NFAT5: variants seen among roughly 807,000 people sequenced by gnomAD.
NFAT5 encodes nuclear factor of activated T-cells 5.
In NFAT5, 31 loss-of-function variants were observed where a neutral mutation model predicts 166.5. The observed-to-expected ratio is 0.19, with a 90% confidence interval of 0.14 to 0.25. NFAT5 has a LOEUF of 0.25. Among genes scored for constraint, NFAT5 ranks in the 10% least tolerant of loss-of-function variants. NFAT5 has a pLI of 1.00. For synonymous variants in NFAT5, 612 were observed against 639.7 expected (o/e 0.96, Z 0.65); for missense variants, 1,449 against 1,821.8 (o/e 0.80, Z 3.72).
chr16:69,636,417 G>A (rs1164875105), intron 3 of NFAT5, among the ~76,000 whole-genome samples: 1 of 152,200 alleles, frequency 6.6e-6, no homozygotes, highest in African/African-American at 2.4e-5. Flanking sequence ...ATAGTACCCA[G>A]TACGGACTCT....
rs556222674 is a variant in NFAT5, at chr16:69,687,658, G to A, written c.1774+2688G>A. 5.3e-5 allele frequency among the ~76,000 whole-genome samples: 8 copies of A among 152,184 alleles called. No homozygotes were observed. In the South Asian group the frequency reaches 1.7e-3, roughly 32 times the overall value. On this transcript the variant is annotated intron_variant, in intron 11 of 14. Coordinates refer to ENST00000349945, the MANE Select transcript of NFAT5 (RefSeq NM_138713.4). ...CCTAGTCTCACTTTCCAGAAAGGGGGAGAAGATAATAAGCATTACTATCTA... is the reference window on the plus strand; with the variant it reads ...CCTAGTCTCACTTTCCAGAAAGGGGAAGAAGATAATAAGCATTACTATCTA...
chr16:69,593,440 T>A (rs1256001979), intron 2 of NFAT5, among the ~76,000 whole-genome samples: 2 of 152,058 alleles, frequency 1.3e-5, no homozygotes, highest in African/African-American at 2.4e-5. Flanking sequence ...CCTTCCAAGT[T>A]GCTGGGACCA....
rs187036746 is a variant in NFAT5, at chr16:69,651,411, G to A, written c.813-1825G>A. Reference sequence around the variant, plus strand: ...CTACTCCCCATTTCCATTGAAGATAGTGCCTTTCCTCACTTTGTTCTTGAT... The same window carrying A: ...CTACTCCCCATTTCCATTGAAGATAATGCCTTTCCTCACTTTGTTCTTGAT... On this transcript the variant is annotated intron_variant, in intron 4 of 14. Coordinates refer to ENST00000349945, the MANE Select transcript of NFAT5 (RefSeq NM_138713.4). Among the ~76,000 whole-genome samples the A allele has an allele frequency of 1.2e-3, 184 of 152,224 alleles. 2 individuals carry two copies. The highest frequency in any genetic ancestry group is 9.3e-4 in the Non-Finnish European group (63 of 68,010).
rs1597578599 is a variant in NFAT5 at position 69,695,040 on chromosome 16, C to A, written c.4415-96C>A. On this transcript the variant is annotated intron_variant, in intron 13 of 14. Transcript: ENST00000349945. ...ATTTTCCCCAACAACTAATAAATAT[C>A]TTTTCATGAATCTTTACTAATCAGA... is the stretch of plus-strand genomic sequence containing the variant. The A allele has an allele frequency of 8.9e-6, 8 of 902,940 alleles. No homozygotes were observed. The East Asian group carries it at 1.8e-4, about 20-fold the overall frequency. 55.9% of individuals were successfully genotyped at this position (902,940 alleles called of 1,614,324 possible).
chr16:69,604,639 G>C (rs779059601), intron 2 of NFAT5, among the ~76,000 whole-genome samples: 6 of 152,026 alleles, frequency 3.9e-5, no homozygotes, highest in Non-Finnish European at 8.8e-5. Context: ...AGAAAACCCT[G>C]TTGTGCAACC....
intron 7 of NFAT5, among the ~76,000 whole-genome samples, chr16:69,668,090 C>T (rs1030565352): frequency 3.4e-4 from 51 of 152,096 alleles, no homozygotes; most frequent in African/African-American, 1.2e-3. Flanking sequence ...CCTCAGCCTC[C>T]CGAGTAGCTG....
At chr16:69,643,223 A>G (rs113044632) in intron 3 of NFAT5, among the ~76,000 whole-genome samples, 4 of 151,758 alleles carry the variant, frequency 2.6e-5, no homozygotes, top group African/African-American at 9.7e-5. Flanking sequence ...CTCTCAAAAA[A>G]AAAAAAAAAA....
intron 2 of NFAT5, among the ~76,000 whole-genome samples, chr16:69,624,642 A>G (rs972931438): frequency 4.6e-5 from 7 of 152,204 alleles, no homozygotes; most frequent in African/African-American, 1.7e-4. Context: ...AAGTTAGGAT[A>G]TATACTTTAG....
chr16:69,610,518 A>G (rs1461188155), intron 2 of NFAT5, among the ~76,000 whole-genome samples: 1 of 152,226 alleles, frequency 6.6e-6, no homozygotes, highest in East Asian at 1.9e-4. Context: ...GCATAATAAT[A>G]TAGTAAGTAA....
At chr16:69,631,247 A>T (rs2034703302) in intron 3 of NFAT5, among the ~76,000 whole-genome samples, 1 of 152,156 alleles carries the variant, frequency 6.6e-6, no homozygotes, top group Non-Finnish European at 1.5e-5. Flanking sequence ...CCTGGCCAAG[A>T]TGGTGAAACC....
intron 2 of NFAT5, among the ~76,000 whole-genome samples, chr16:69,606,096 G>C (rs2033393293): frequency 6.6e-6 from 1 of 152,168 alleles, no homozygotes; most frequent in Non-Finnish European, 1.5e-5. Context: ...CTTGGCTATT[G>C]TAGGCAGTTC....
chr16:69,685,169 T>TA (rs1272264078), intron 11 of NFAT5, 199 bp downstream of exon 11: 6 of 115,098 alleles, frequency 5.2e-5, no homozygotes, highest in African/African-American at 9.5e-5. Flanking sequence ...TGAATATGTT[T>TA]TTATATATAT....
intron 2 of NFAT5, among the ~76,000 whole-genome samples, chr16:69,582,832 T>A (rs1201635763): frequency 6.6e-6 from 1 of 151,946 alleles, no homozygotes; most frequent in African/African-American, 2.4e-5. Flanking sequence ...TTTGTAGGAT[T>A]GTTTCGGCTA....
rs1374234037 is a variant in NFAT5 at position 69,670,564 on chromosome 16, G to A, written c.1557+276G>A. 2.6e-5 allele frequency among the ~76,000 whole-genome samples: 4 copies of A among 152,034 alleles called. No homozygotes were observed. In the East Asian group the frequency reaches 7.7e-4, roughly 29 times the overall value. ...TTTCCTGATACTTATTTTCTCTGAG[G>A]ATTTGCATAATCTTAATCCACTATA... On this transcript the variant is annotated intron_variant, in intron 9 of 14. Coordinates refer to ENST00000349945, the MANE Select transcript of NFAT5 (RefSeq NM_138713.4).
intron 2 of NFAT5, among the ~76,000 whole-genome samples, chr16:69,583,493 G>C (rs931364022): frequency 2.6e-5 from 4 of 152,160 alleles, no homozygotes; most frequent in Non-Finnish European, 5.9e-5. Flanking sequence ...GGGAATACAG[G>C]TATGAGCCTC....
chr16:69,694,320 C>T lies in NFAT5; in HGVS notation c.4414+81C>T, dbSNP rs933701710. On this transcript the variant is annotated intron_variant, in intron 13 of 14. Coordinates refer to ENST00000349945, the MANE Select transcript of NFAT5 (RefSeq NM_138713.4). Reference sequence around the variant, plus strand: ...GCAGAGTGCAGTGGTGCGATCTCAGCTCACTGCACCTGCACCCTCTGCCTC... The same window carrying T: ...GCAGAGTGCAGTGGTGCGATCTCAGTTCACTGCACCTGCACCCTCTGCCTC... 6.1e-5 allele frequency: 64 copies of T among 1,040,726 alleles called. 3 individuals are homozygous for T. Among genetic ancestry groups the T allele is most frequent in the East Asian group, 1.8e-4 (7 of 38,538 alleles). 64.5% of individuals were successfully genotyped at this position (1,040,726 alleles called of 1,614,324 possible). A position where few individuals can be genotyped will look rare whatever the true frequency, so the allele number is the denominator to read the frequency against.
intron 7 of NFAT5, among the ~76,000 whole-genome samples, chr16:69,662,933 T>G (rs1192658767): frequency 1.3e-5 from 2 of 152,188 alleles, no homozygotes; most frequent in Non-Finnish European, 2.9e-5. Flanking sequence ...CAAAAAATCT[T>G]TTTATTTAAA....
rs901234250 is a variant in NFAT5, at chr16:69,633,348, T to C, written c.253+6820T>C. On this transcript the variant is annotated intron_variant, in intron 3 of 14. Transcript: ENST00000349945. ...ACAGTTACTGATTTTATGCATTCTG[T>C]ACAATTTTGCCTAAGAAATTAATGC... 1.1e-4 allele frequency among the ~76,000 whole-genome samples: 16 copies of C among 152,354 alleles called. 2 individuals carry two copies. Among genetic ancestry groups the C allele is most frequent in the East Asian group, 3.8e-4 (2 of 5,196 alleles).
chr16:69,693,869 G>A lies in NFAT5; in HGVS notation c.4044G>A (p.Gln1348=), dbSNP rs763191641. 2 of 1,614,200 alleles carry A rather than the reference G, an allele frequency of 1.2e-6. No homozygotes were observed. Among genetic ancestry groups the A allele is most frequent in the Admixed American group, 1.7e-5 (1 of 60,024 alleles). The change falls in exon 13 of 15, where the codon CAG becomes CAA. Residue 1348 remains glutamine (Q), a synonymous_variant. Coordinates refer to ENST00000349945, the MANE Select transcript of NFAT5 (RefSeq NM_138713.4). ...QEQQPMQFQS[Q]STVSSLQNPG... ...AACAGCCCATGCAATTTCAGAGTCA[G>A]TCCACAGTTTCCTCACTTCAGAACC...
Sources: gnomAD v4.1 joint callset for allele counts (sites outside exome capture counted in the v4.1 genomes callset) on GRCh38, gnomAD v4.1.1 for gene constraint, MANE v1.5 for transcripts, NCBI Gene and HGNC (gene_info 2026-07-23, HGNC 2026-07-21) for gene names.